Variants in SEC24A observed in about 807,000 individuals in gnomAD.
SEC24A encodes SEC24 homolog A, COPII component.
SEC24A carries 93 observed loss-of-function variants against 129.4 expected under a neutral mutation model. The ratio of observed to expected loss-of-function variants is 0.72; its 90% CI spans 0.61 to 0.85. The LOEUF (loss-of-function observed/expected upper bound fraction) is 0.85. Ranked by LOEUF, SEC24A falls within the 40% of genes least tolerant of loss-of-function variation. The pLI, the probability that SEC24A is intolerant of heterozygous loss-of-function variation, is 0.00. For synonymous variants in SEC24A, 460 were observed against 467.3 expected (o/e 0.98, Z 0.20); for missense variants, 1,264 against 1,307.4 (o/e 0.97, Z 0.51).
At chr5:134,651,422 G>A (rs969384405) in intron 1 of SEC24A, among the ~76,000 whole-genome samples, 3 of 150,778 alleles carry the variant, frequency 2.0e-5, no homozygotes, top group African/African-American at 7.3e-5. Context: ...AGCCTCCCGA[G>A]TAGCTGGGAT....
chr5:134,677,269 T>C (rs1751098096), intron 7 of SEC24A, among the ~76,000 whole-genome samples: 2 of 152,082 alleles, frequency 1.3e-5, no homozygotes, highest in South Asian at 4.2e-4. Context: ...ATGATTGTAC[T>C]ACTGCACTCC....
chr5:134,661,090 A>T, intron 1 of SEC24A, 29 bp from the exon 2 acceptor site: 2 of 1,475,056 alleles, frequency 1.4e-6, no homozygotes, highest in Non-Finnish European at 1.8e-6. Context: ...TTCGTTGGTA[A>T]GACTAATTTT....
intron 9 of SEC24A, among the ~76,000 whole-genome samples, chr5:134,685,479 C>T (rs1316537356): frequency 6.6e-6 from 1 of 151,716 alleles, no homozygotes; most frequent in African/African-American, 2.4e-5. Context: ...TTAAAGTATA[C>T]AAAAGGATGT....
upstream of SEC24A, chr5:134,648,504 G>C (rs1749931297): frequency 6.6e-6 from 1 of 152,510 alleles, no homozygotes; most frequent in Non-Finnish European, 1.5e-5. Context: ...CTGAATCTCA[G>C]ATTGCCCCAC....
chr5:134,719,946 T>C (rs573433401), intron 20 of SEC24A, among the ~76,000 whole-genome samples: 1 of 149,084 alleles, frequency 6.7e-6, no homozygotes, highest in Non-Finnish European at 1.5e-5. Flanking sequence ...GATCGTGCCA[T>C]TGCACTCCAG....
At position 134,693,768 on chromosome 5, in the gene SEC24A, C is replaced by G; in HGVS notation, c.1821C>G (p.Thr607=). Residue 607 remains threonine, a synonymous_variant, in exon 13 of 23, where the codon ACC becomes ACG. Coordinates refer to ENST00000398844, the MANE Select transcript of SEC24A (RefSeq NM_021982.3). ...DLLKTLPQMF[T]KTLETQSALG... ...TGAAAACTTTGCCACAAATGTTTAC[C>G]AAGACTCTGGAGACCCAGAGTGCCT... The G allele has an allele frequency of 6.2e-7, 1 of 1,614,032 alleles. No homozygotes were observed. Among genetic ancestry groups the G allele is most frequent in the Non-Finnish European group, 8.5e-7 (1 of 1,179,988 alleles).
intron 9 of SEC24A, among the ~76,000 whole-genome samples, chr5:134,685,312 G>A (rs1381170123): frequency 6.6e-6 from 1 of 151,518 alleles, no homozygotes; most frequent in Non-Finnish European, 1.5e-5. Flanking sequence ...AGTGAGCTGT[G>A]ATTGCATTGC....
chr5:134,708,876 T>G lies in SEC24A; in HGVS notation c.2715T>G (p.Ala905=), dbSNP rs1285540511. 5.6e-6 allele frequency: 9 copies of G among 1,613,606 alleles called. No individual in the cohort carries two copies. In the South Asian group the frequency reaches 9.9e-5, roughly 18 times the overall value. The change falls in exon 18 of 23, where the codon GCT becomes GCG. Residue 905 remains alanine (A), a synonymous_variant. Transcript: ENST00000398844. ...SLRLFPLFVL[A]LLKQKSFQTG... ...GGCTTTTCCCACTTTTTGTGTTGGCTCTCCTTAAACAGGTAAGAAAAACAG... is the reference window on the plus strand; with the variant it reads ...GGCTTTTCCCACTTTTTGTGTTGGCGCTCCTTAAACAGGTAAGAAAAACAG...
chr5:134,686,880 A>T lies in SEC24A; in HGVS notation c.1582A>T (p.Ser528Cys). 1 of 1,603,812 alleles carries T rather than the reference A, an allele frequency of 6.2e-7. No homozygotes were observed. Among genetic ancestry groups the T allele is most frequent in the South Asian group, 1.1e-5 (1 of 89,860 alleles). Residue 528 changes from serine (S) to cysteine (C), a missense_variant, in exon 10 of 23, where the codon AGT (serine) becomes TGT (cysteine). Physicochemically the swap from Ser to Cys is moderately radical, Grantham distance 112 (BLOSUM62 -1). Coordinates refer to ENST00000398844, the MANE Select transcript of SEC24A (RefSeq NM_021982.3). ...TGGATACTTGAATTCAGTTTGCCAG[A>T]GTTTGTTAGACAATCTGGATTTGTA... is the stretch of plus-strand genomic sequence containing the variant. ...ETGYLNSVCQ[S>C]LLDNLDLLPG...
intron 1 of SEC24A, among the ~76,000 whole-genome samples, chr5:134,656,353 C>A (rs1225082596): frequency 6.6e-6 from 1 of 152,134 alleles, no homozygotes; most frequent in African/African-American, 2.4e-5. Context: ...GCTGGGATTA[C>A]AGGCCTGAGC....
At chr5:134,685,606 T>C (rs1399618660) in intron 9 of SEC24A, among the ~76,000 whole-genome samples, 2 of 152,174 alleles carry the variant, frequency 1.3e-5, no homozygotes, top group Non-Finnish European at 2.9e-5. Context: ...CAAGGGAAGA[T>C]TGTATACTAC....
chr5:134,681,706 A>T (rs1050354661), intron 8 of SEC24A, among the ~76,000 whole-genome samples: 6 of 152,148 alleles, frequency 3.9e-5, no homozygotes, highest in African/African-American at 1.4e-4. Flanking sequence ...ATTTCTAAAC[A>T]ATTAGTAGGA....
chr5:134,703,049 G>A (rs1263386079), intron 15 of SEC24A, among the ~76,000 whole-genome samples: 1 of 152,154 alleles, frequency 6.6e-6, no homozygotes. Context: ...ACAGGCATGA[G>A]CCATTGTGCC....
chr5:134,655,137 A>T (rs1466252118), intron 1 of SEC24A, among the ~76,000 whole-genome samples: 1 of 152,068 alleles, frequency 6.6e-6, no homozygotes, highest in Non-Finnish European at 1.5e-5. Flanking sequence ...GCACCCGGCC[A>T]CATGAGATTT....
At chr5:134,677,302 C>T (rs147811195) in intron 7 of SEC24A, among the ~76,000 whole-genome samples, 112 of 151,364 alleles carry the variant, frequency 7.4e-4, no homozygotes, top group African/African-American at 2.4e-3. Context: ...AGAGTGAGAC[C>T]CTGTATCCAA....
At chr5:134,673,466 T>C (rs1016866041) in intron 4 of SEC24A, among the ~76,000 whole-genome samples, 2 of 152,122 alleles carry the variant, frequency 1.3e-5, no homozygotes, top group East Asian at 1.9e-4. Context: ...TTTGTTTTTG[T>C]TTTTGTTTTT....
intron 15 of SEC24A, among the ~76,000 whole-genome samples, chr5:134,700,061 A>T (rs1223734811): frequency 3.3e-5 from 5 of 150,342 alleles, no homozygotes; most frequent in African/African-American, 1.2e-4. Context: ...TTTTTTTTTT[A>T]AGGTGGGTTT....
intron 1 of SEC24A, among the ~76,000 whole-genome samples, chr5:134,653,473 A>G (rs903047651): frequency 2.0e-5 from 3 of 150,484 alleles, no homozygotes; most frequent in Non-Finnish European, 4.4e-5. Flanking sequence ...ATGGTCTTGA[A>G]CTCCTGGACT....
intron 8 of SEC24A, among the ~76,000 whole-genome samples, chr5:134,681,541 A>C (rs1412474264): frequency 6.6e-6 from 1 of 151,982 alleles, no homozygotes; most frequent in Non-Finnish European, 1.5e-5. Context: ...CAATTCTGAA[A>C]ATGTACATGA....
Sources: allele counts gnomAD v4.1 joint callset (sites outside exome capture counted in the v4.1 genomes callset), GRCh38; gene constraint gnomAD v4.1.1; transcripts MANE v1.5; gene names NCBI Gene and HGNC (gene_info 2026-07-23, HGNC 2026-07-21).